Variants in ADAMTSL1 observed in about 807,000 individuals in gnomAD.
ADAMTSL1 encodes the protein ADAMTS like 1.
A neutral mutation model predicts 201.8 loss-of-function variants in ADAMTSL1; 126 were observed. The ratio of observed to expected loss-of-function variants is 0.62; its 90% CI spans 0.54 to 0.72. ADAMTSL1 has a LOEUF of 0.72. ADAMTSL1 is among the 30% of genes least tolerant of loss of function. The pLI is 0.00. For missense variants in ADAMTSL1, 2,679 were observed against 2,277.8 expected (o/e 1.18, Z -3.59); for synonymous variants, 1,121 against 903.4 (o/e 1.24, Z -4.32).
chr9:18,797,584 T>A (rs1419709923), intron 20 of ADAMTSL1, among the ~76,000 whole-genome samples: 1 of 152,078 alleles, frequency 6.6e-6, no homozygotes, highest in Non-Finnish European at 1.5e-5. Context: ...TTATAAGATA[T>A]AATCTGAACA....
chr9:18,069,803 G>C (rs776270938), intron 1 of ADAMTSL1, among the ~76,000 whole-genome samples: 27 of 152,158 alleles, frequency 1.8e-4, no homozygotes, highest in Non-Finnish European at 3.4e-4. Flanking sequence ...AAGATCAGGA[G>C]GTCTCTAAAC....
intron 2 of ADAMTSL1, among the ~76,000 whole-genome samples, chr9:18,505,222 T>TGTTAG (rs1823061556): frequency 1.3e-5 from 2 of 152,230 alleles, no homozygotes; most frequent in African/African-American, 4.8e-5. Context: ...GCAAATGTTA[T>TGTTAG]CTGTTTTCAT....
In ADAMTSL1 at chr9:18,656,403, G is replaced by A. The variant is rs901438916; in HGVS notation, c.835-1236G>A. Among the ~76,000 whole-genome samples the A allele has an allele frequency of 6.6e-5, 10 of 152,042 alleles. No individual in the cohort carries two copies. The South Asian group carries it at 8.3e-4, about 13-fold the overall frequency. On this transcript the variant is annotated intron_variant, in intron 7 of 28. Coordinates refer to ENST00000380548, the MANE Select transcript of ADAMTSL1 (RefSeq NM_001040272.6). ...TCCCAGCACTTTGGGAGGCCGAGGCGGGCAGATCACGAGGTCAGGAGATCG... is the reference window on the plus strand; with the variant it reads ...TCCCAGCACTTTGGGAGGCCGAGGCAGGCAGATCACGAGGTCAGGAGATCG...
At chr9:18,595,023 C>G (rs930867186) in intron 4 of ADAMTSL1, among the ~76,000 whole-genome samples, 2 of 152,158 alleles carry the variant, frequency 1.3e-5, no homozygotes, top group Non-Finnish European at 2.9e-5. Flanking sequence ...GAAGATGTCT[C>G]AGCACTAGAG....
At chr9:18,670,508 C>CAAAG (rs1319110630) in intron 9 of ADAMTSL1, among the ~76,000 whole-genome samples, 1 of 152,210 alleles carries the variant, frequency 6.6e-6, no homozygotes, top group Non-Finnish European at 1.5e-5. Flanking sequence ...TGCCCTCTCT[C>CAAAG]AAAGATGGCA....
chr9:18,795,700 A>G (rs1452835681), intron 20 of ADAMTSL1, among the ~76,000 whole-genome samples, 176 bp downstream of exon 20: 1 of 152,208 alleles, frequency 6.6e-6, no homozygotes, highest in Non-Finnish European at 1.5e-5. Context: ...AAGTGCTATA[A>G]CTGATAACCA....
intron 20 of ADAMTSL1, among the ~76,000 whole-genome samples, chr9:18,816,008 T>C (rs1026716529): frequency 6.6e-6 from 1 of 152,176 alleles, no homozygotes; most frequent in African/African-American, 2.4e-5. Flanking sequence ...GGTCAGGACA[T>C]TCAAAATCCT....
intron 17 of ADAMTSL1, among the ~76,000 whole-genome samples, chr9:18,773,138 A>C (rs1016602323): frequency 3.9e-5 from 6 of 152,146 alleles, no homozygotes; most frequent in African/African-American, 1.4e-4. Flanking sequence ...GGAGAAGGGA[A>C]GACCTAAATG....
chr9:18,839,443 T>A (rs1205684073), intron 23 of ADAMTSL1, among the ~76,000 whole-genome samples: 1 of 152,222 alleles, frequency 6.6e-6, no homozygotes, highest in Non-Finnish European at 1.5e-5. Flanking sequence ...TTGTTGGACA[T>A]GTGGCTTGGT....
intron 2 of ADAMTSL1, among the ~76,000 whole-genome samples, chr9:18,232,068 C>T (rs2132411352): frequency 6.6e-6 from 1 of 152,274 alleles, no homozygotes; most frequent in South Asian, 2.1e-4. Flanking sequence ...CTCTCCATGT[C>T]ACTCAAAGTA....
chr9:18,848,955 A>G (rs1563855760), intron 23 of ADAMTSL1, among the ~76,000 whole-genome samples: 3 of 152,244 alleles, frequency 2.0e-5, no homozygotes, highest in Admixed American at 6.5e-5. Context: ...GATTTTGCCA[A>G]CTAATGAACC....
At chr9:17,938,988 C>T (rs993517371) in intron 1 of ADAMTSL1, among the ~76,000 whole-genome samples, 1 of 152,100 alleles carries the variant, frequency 6.6e-6, no homozygotes, top group Non-Finnish European at 1.5e-5. Flanking sequence ...GGAAATATCC[C>T]TCCTTATGTT....
chr9:18,168,412 G>C (rs1157538485), intron 2 of ADAMTSL1, among the ~76,000 whole-genome samples: 2 of 152,042 alleles, frequency 1.3e-5, no homozygotes, highest in East Asian at 3.9e-4. Context: ...TGCTGAGAAT[G>C]ATGGTTTCCA....
chr9:18,583,205 G>A (rs575643855), intron 4 of ADAMTSL1, among the ~76,000 whole-genome samples: 9 of 152,288 alleles, frequency 5.9e-5, no homozygotes, highest in African/African-American at 1.4e-4. Flanking sequence ...TTCGTGGGCC[G>A]GGCCCAGGAT....
intron 15 of ADAMTSL1, among the ~76,000 whole-genome samples, chr9:18,731,401 T>A (rs1818207075): frequency 6.6e-6 from 1 of 152,010 alleles, no homozygotes; most frequent in African/African-American, 2.4e-5. Context: ...GAGACTGAGG[T>A]GGGAGGATCA....
chr9:18,320,167 G>C (rs1232349488), intron 2 of ADAMTSL1, among the ~76,000 whole-genome samples: 1 of 152,134 alleles, frequency 6.6e-6, no homozygotes, highest in Non-Finnish European at 1.5e-5. Flanking sequence ...GCCTCCAGAG[G>C]GAGTAATCCC....
intron 2 of ADAMTSL1, among the ~76,000 whole-genome samples, chr9:18,423,320 A>G (rs1437235492): frequency 6.6e-6 from 1 of 152,162 alleles, no homozygotes; most frequent in East Asian, 1.9e-4. Context: ...TTGTTATATG[A>G]CATAAGTCAC....
At chr9:18,152,673 G>C (rs761065709) in intron 1 of ADAMTSL1, among the ~76,000 whole-genome samples, 61 of 152,072 alleles carry the variant, frequency 4.0e-4, no homozygotes, top group Middle Eastern at 3.4e-3. Context: ...ATGATCATAA[G>C]AGGGTGATGA....
intron 11 of ADAMTSL1, chr9:18,680,984 A>AAATTTCC (rs1364536140): frequency 2.0e-5 from 3 of 153,260 alleles, no homozygotes; most frequent in African/African-American, 7.2e-5. Flanking sequence ...AAATAGCACA[A>AAATTTCC]AAATTAAAAT....
Sources: gnomAD v4.1 joint callset for allele counts (sites outside exome capture counted in the v4.1 genomes callset) on GRCh38, gnomAD v4.1.1 for gene constraint, MANE v1.5 for transcripts, NCBI Gene and HGNC (gene_info 2026-07-23, HGNC 2026-07-21) for gene names.